Variants in CHODL observed in about 807,000 individuals in gnomAD.
CHODL encodes the protein transmembrane protein MT75.
CHODL carries 29 observed loss-of-function variants against 34.5 expected under a neutral mutation model. The observed-to-expected ratio is 0.84, with a 90% CI of 0.63 to 1.15. The LOEUF (loss-of-function observed/expected upper bound fraction) is 1.15. Among genes scored for constraint, CHODL ranks in the 50% most tolerant of loss-of-function variants. CHODL has a pLI of 0.00. For missense variants in CHODL, 332 were observed against 332.5 expected (o/e 1.00, Z 0.01); for synonymous variants, 125 against 116.1 (o/e 1.08, Z -0.49).
At position 18,175,550 on chromosome 21, in the gene CHODL, G is replaced by A. The variant is rs530403580; in HGVS notation, c.-44-80959G>A. Among the ~76,000 whole-genome samples the A allele has an allele frequency of 2.0e-5, 3 of 151,592 alleles. No individual in the cohort carries two copies. In the South Asian group the frequency reaches 6.3e-4, roughly 32 times the overall value. ...GGAGGTTGCAGTGAGCCGAGATGGCGCCATTGCACTCCAGCCCGGGCGACA... is the reference window on the plus strand; with the variant it reads ...GGAGGTTGCAGTGAGCCGAGATGGCACCATTGCACTCCAGCCCGGGCGACA... On this transcript the variant is annotated intron_variant, in intron 2 of 6. Transcript: ENST00000400127.
chr21:18,101,723 T>A (rs1333056243), intron 2 of CHODL, among the ~76,000 whole-genome samples: 1 of 152,026 alleles, frequency 6.6e-6, no homozygotes, highest in Non-Finnish European at 1.5e-5. Flanking sequence ...CATTTTTTTT[T>A]TTTTTTGCTG....
At chr21:18,250,379 T>C (rs1019181054) in intron 1 of CHODL, among the ~76,000 whole-genome samples, 49 of 152,176 alleles carry the variant, frequency 3.2e-4, no homozygotes, top group African/African-American at 1.0e-3. Flanking sequence ...ACTGGAAAAG[T>C]AGGGCTTGCT....
At chr21:17,970,287 A>G (rs1481614530) in intron 1 of CHODL, among the ~76,000 whole-genome samples, 1 of 152,184 alleles carries the variant, frequency 6.6e-6, no homozygotes, top group Non-Finnish European at 1.5e-5. Flanking sequence ...TTACAAAAAT[A>G]AGGCCACTAT....
intron 1 of CHODL, among the ~76,000 whole-genome samples, chr21:18,015,394 C>T (rs2064062922): frequency 6.6e-6 from 1 of 152,168 alleles, no homozygotes; most frequent in South Asian, 2.1e-4. Context: ...CCTCCCCAGC[C>T]ATGCTTCCTA....
intron 2 of CHODL, among the ~76,000 whole-genome samples, chr21:18,188,547 A>T (rs571790104): frequency 6.6e-6 from 1 of 152,250 alleles, no homozygotes; most frequent in Non-Finnish European, 1.5e-5. Context: ...AAAAGAAGGA[A>T]GTAGTGCTAC....
At chr21:18,054,315 A>G (rs1208173071) in intron 2 of CHODL, among the ~76,000 whole-genome samples, 1 of 151,936 alleles carries the variant, frequency 6.6e-6, no homozygotes, top group Non-Finnish European at 1.5e-5. Flanking sequence ...AAATTCTACA[A>G]ACATTTTTTT....
intron 1 of CHODL, among the ~76,000 whole-genome samples, chr21:17,948,819 TA>T (rs561500083): frequency 6.9e-4 from 105 of 152,240 alleles, no homozygotes; most frequent in Middle Eastern, 3.4e-3. Context: ...TGAATTCTAA[TA>T]AACATTTAAA....
chr21:18,102,684 T>C (rs2065230186), intron 2 of CHODL, among the ~76,000 whole-genome samples: 1 of 152,212 alleles, frequency 6.6e-6, no homozygotes, highest in Non-Finnish European at 1.5e-5. Context: ...AACCCTTTAA[T>C]TGATTTCATA....
At chr21:17,928,067 T>C (rs2063242675) in intron 1 of CHODL, among the ~76,000 whole-genome samples, 1 of 152,212 alleles carries the variant, frequency 6.6e-6, no homozygotes, top group Non-Finnish European at 1.5e-5. Flanking sequence ...TTCAATGGCA[T>C]GGTGGCCATC....
intron 2 of CHODL, among the ~76,000 whole-genome samples, chr21:18,200,430 C>A (rs1376999596): frequency 6.6e-6 from 1 of 152,056 alleles, no homozygotes; most frequent in Non-Finnish European, 1.5e-5. Flanking sequence ...AAGGAAAGTA[C>A]TTTTATCTGT....
In CHODL at chr21:18,053,626, C is replaced by T. The variant is rs4511804; in HGVS notation, c.-45+25655C>T. 9.7e-3 allele frequency among the ~76,000 whole-genome samples: 1,476 copies of T among 151,870 alleles called. 47 individuals are homozygous for T. The highest frequency in any genetic ancestry group is 0.085 in the East Asian group (436 of 5,148). Reference sequence around the variant, plus strand: ...ACAGGAGCATATTTTGGGAGAAAAACGGAAAATCTAGTTGTCTATATTTAT... The same window carrying T: ...ACAGGAGCATATTTTGGGAGAAAAATGGAAAATCTAGTTGTCTATATTTAT... On this transcript the variant is annotated intron_variant, in intron 2 of 6. Transcript: ENST00000400127.
At chr21:18,081,137 G>A (rs572244880) in intron 2 of CHODL, among the ~76,000 whole-genome samples, 93 of 152,038 alleles carry the variant, frequency 6.1e-4, no homozygotes, top group African/African-American at 2.1e-3. Context: ...TCGTTGGCTG[G>A]ATCATTATTA....
intron 2 of CHODL, among the ~76,000 whole-genome samples, chr21:18,178,146 T>C (rs1484502347): frequency 1.3e-5 from 2 of 152,186 alleles, no homozygotes; most frequent in African/African-American, 4.8e-5. Context: ...TTTTCTAATA[T>C]AGTTCAAATT....
chr21:18,201,063 G>C (rs1268392197), intron 2 of CHODL, among the ~76,000 whole-genome samples: 3 of 152,078 alleles, frequency 2.0e-5, no homozygotes, highest in Admixed American at 2.0e-4. Context: ...CCAGTTTGTG[G>C]CAATATGTTA....
chr21:18,248,144 C>T (rs888216464), intron 1 of CHODL, among the ~76,000 whole-genome samples: 12 of 151,638 alleles, frequency 7.9e-5, no homozygotes, highest in Admixed American at 7.2e-4. Context: ...ATCAGTTTAA[C>T]TTTATTAAAA....
chr21:17,972,138 G>A (rs1037317185), intron 1 of CHODL, among the ~76,000 whole-genome samples: 1 of 152,110 alleles, frequency 6.6e-6, no homozygotes, highest in Admixed American at 6.6e-5. Context: ...AGTTATTGAT[G>A]GAATGTATCT....
chr21:18,211,141 TACACAC>T (rs3077936), intron 2 of CHODL, among the ~76,000 whole-genome samples: 25 of 148,780 alleles, frequency 1.7e-4, no homozygotes, highest in Admixed American at 8.1e-4. Flanking sequence ...TACACATGGA[TACACAC>T]ACACACACAC....
Position 18,155,506 on chromosome 21 carries a change from G to C in CHODL, c.-44-101003G>C, listed in dbSNP as rs189896612. On this transcript the variant is annotated intron_variant, in intron 2 of 6. Transcript: ENST00000400127. ...AGAAGAGGTTCTTCCCTCTAATTCT[G>C]CAAACTTGTGGCTTCAAGTAGAGAG... Among the ~76,000 whole-genome samples, 4 of 152,290 alleles carry C rather than the reference G, an allele frequency of 2.6e-5. No individual in the cohort carries two copies. The East Asian group carries it at 5.8e-4, about 22-fold the overall frequency.
At chr21:17,951,055 TAAG>T (rs1391374167) in intron 1 of CHODL, among the ~76,000 whole-genome samples, 1 of 151,982 alleles carries the variant, frequency 6.6e-6, no homozygotes, top group East Asian at 1.9e-4. Context: ...TATACATTAA[TAAG>T]TGTATATATT....
Sources: gnomAD v4.1 joint callset for allele counts (sites outside exome capture counted in the v4.1 genomes callset) on GRCh38, gnomAD v4.1.1 for gene constraint, MANE v1.5 for transcripts, NCBI Gene and HGNC (gene_info 2026-07-23, HGNC 2026-07-21) for gene names.